The following LIMCH1 variants were observed in gnomAD, a reference collection of about 807,000 sequenced individuals.
LIMCH1 encodes the protein LIM and calponin homology domains-containing protein 1.
Under a neutral mutation model 176.5 loss-of-function variants are expected in LIMCH1, and 113 were observed. The ratio of observed to expected loss-of-function variants is 0.64; its 90% CI spans 0.55 to 0.75. The LOEUF (loss-of-function observed/expected upper bound fraction) is 0.75. Ranked by LOEUF, LIMCH1 falls within the 30% of genes least tolerant of loss-of-function variation. The pLI, the probability that LIMCH1 is intolerant of heterozygous loss-of-function variation, is 0.00. For missense variants in LIMCH1, 1,674 were observed against 1,814.9 expected, an observed-to-expected ratio of 0.92 and a Z score of 1.41; for synonymous variants, 619 against 645.9, an observed-to-expected ratio of 0.96 and a Z score of 0.63.
At chr4:41,401,415 T>G (rs1173280421) in intron 1 of LIMCH1, among the ~76,000 whole-genome samples, 1 of 152,228 alleles carries the variant, frequency 6.6e-6, no homozygotes, top group African/African-American at 2.4e-5. Context: ...ACCAGTACCA[T>G]GCTGTTTTGG....
At chr4:41,572,666 G>A (rs533897715) in intron 1 of LIMCH1, among the ~76,000 whole-genome samples, 69 of 152,316 alleles carry the variant, frequency 4.5e-4, no homozygotes, top group African/African-American at 1.6e-3. Context: ...TGCAAGGTCA[G>A]GCTGAAATGA....
At chr4:41,385,966 C>T (rs1270881696) in intron 1 of LIMCH1, 1 of 152,204 alleles carries the variant, frequency 6.6e-6, no homozygotes, top group Non-Finnish European at 1.5e-5. Context: ...GGTGTCATCA[C>T]ACCACTTTTG....
chr4:41,606,180 C>A (rs1004536471), intron 4 of LIMCH1, among the ~76,000 whole-genome samples, 176 bp downstream of exon 4: 5 of 152,208 alleles, frequency 3.3e-5, no homozygotes, highest in African/African-American at 1.2e-4. Flanking sequence ...ATGCATGTCA[C>A]ACCTACCTGC....
intron 2 of LIMCH1, among the ~76,000 whole-genome samples, chr4:41,497,821 T>G (rs1300558863): frequency 8.3e-6 from 1 of 121,112 alleles, no homozygotes. Context: ...AAAAAAAAAT[T>G]AAGTTTAGGA....
intron 1 of LIMCH1, among the ~76,000 whole-genome samples, chr4:41,411,170 T>C (rs2059445510): frequency 6.6e-6 from 1 of 152,258 alleles, no homozygotes; most frequent in Non-Finnish European, 1.5e-5. Context: ...AGGCTAGGAT[T>C]TGAATCCAGG....
intron 1 of LIMCH1, among the ~76,000 whole-genome samples, chr4:41,490,222 T>C (rs2070514512): frequency 6.6e-6 from 1 of 151,898 alleles, no homozygotes; most frequent in Admixed American, 6.6e-5. Flanking sequence ...ACCTGTGTTG[T>C]TGGAGAGTCA....
At chr4:41,371,436 C>T (rs1229903349) in intron 1 of LIMCH1, among the ~76,000 whole-genome samples, 1 of 152,178 alleles carries the variant, frequency 6.6e-6, no homozygotes, top group Non-Finnish European at 1.5e-5. Flanking sequence ...CCTTTCACTT[C>T]ACGTCTATTT....
intron 1 of LIMCH1, among the ~76,000 whole-genome samples, chr4:41,370,862 C>T (rs1336574959): frequency 6.6e-6 from 1 of 152,134 alleles, no homozygotes; most frequent in African/African-American, 2.4e-5. Context: ...ATATAAGATA[C>T]TTCTCAAGCA....
At chr4:41,620,220 G>C in intron 6 of LIMCH1, 1 of 553,080 alleles carries the variant, frequency 1.8e-6, no homozygotes, top group East Asian at 3.0e-5. Flanking sequence ...TCAAGTCTGG[G>C]ATAACTCTCA....
At chr4:41,655,036 G>T (rs1003154450) in intron 18 of LIMCH1, among the ~76,000 whole-genome samples, 2 of 151,990 alleles carry the variant, frequency 1.3e-5, no homozygotes, top group Non-Finnish European at 2.9e-5. Flanking sequence ...CTAATCTGAG[G>T]GCTAATATAT....
In LIMCH1 at chr4:41,699,831, A is replaced by G. The variant is rs1344695872; in HGVS notation, c.*2646A>G. 1 of 152,196 alleles carries G rather than the reference A, an allele frequency of 6.6e-6. No homozygotes were observed. The highest frequency in any genetic ancestry group is 1.9e-4 in the East Asian group (1 of 5,198). 9.4% of individuals were successfully genotyped at this position (152,196 alleles called of 1,614,324 possible). A position where few individuals can be genotyped will look rare whatever the true frequency, so the allele number is the denominator to read the frequency against. On this transcript the variant is annotated 3_prime_UTR_variant, in exon 32 of 32. Coordinates refer to ENST00000503057, the MANE Select transcript of LIMCH1 (RefSeq NM_001330672.2). Reference sequence around the variant, plus strand: ...TTATCTATACACAGTGTAAGATTTAACAAACTGAAATGATCCACCTCATAT... The same window carrying G: ...TTATCTATACACAGTGTAAGATTTAGCAAACTGAAATGATCCACCTCATAT...
chr4:41,627,165 T>G (rs566780853), intron 8 of LIMCH1, among the ~76,000 whole-genome samples, 155 bp downstream of exon 8: 14 of 152,066 alleles, frequency 9.2e-5, no homozygotes, highest in Admixed American at 9.2e-4. Flanking sequence ...GTAATGGGGG[T>G]TTATTTTGAA....
rs866199091 is a variant in LIMCH1 at position 41,419,612 on chromosome 4, T to G, written c.96+58676T>G. Among the ~76,000 whole-genome samples the G allele has an allele frequency of 7.0e-3, 567 of 80,964 alleles. 11 individuals carry two copies. Among genetic ancestry groups the G allele is most frequent in the African/African-American group, 0.022 (218 of 9,864 alleles). 53.1% of individuals were successfully genotyped at this position (80,964 alleles called of 152,430 possible). On this transcript the variant is annotated intron_variant, in intron 1 of 26. Transcript: ENST00000313860. ...CTTCCTTCCTTCCTTCCGTCCTTCC[T>G]TCCTTCCTTCCTTCCTTCCTTCCTC...
At chr4:41,671,875 A>AGATCGGAAGAG in intron 22 of LIMCH1, among the ~76,000 whole-genome samples, 1 of 131,290 alleles carries the variant, frequency 7.6e-6, no homozygotes, top group Admixed American at 8.3e-5. Flanking sequence ...ACAGAGCGAG[A>AGATCGGAAGAG]CTTCGTCTCA....
chr4:41,531,621 C>T (rs921470475), intron 3 of LIMCH1, among the ~76,000 whole-genome samples: 1 of 152,034 alleles, frequency 6.6e-6, no homozygotes, highest in African/African-American at 2.4e-5. Context: ...GCTTCTTACC[C>T]TTTTGTCTGC....
At chr4:41,412,503 G>A (rs1329768420) in intron 1 of LIMCH1, among the ~76,000 whole-genome samples, 1 of 151,954 alleles carries the variant, frequency 6.6e-6, no homozygotes, top group African/African-American at 2.4e-5. Flanking sequence ...AGGTAAAATG[G>A]GAAACTAAAA....
intron 2 of LIMCH1, among the ~76,000 whole-genome samples, chr4:41,515,311 A>G (rs1430157725): frequency 6.6e-6 from 1 of 152,088 alleles, no homozygotes; most frequent in African/African-American, 2.4e-5. Flanking sequence ...CAGCTTTTCT[A>G]TTGCCTTCCG....
At chr4:41,404,033 A>G (rs2058719538) in intron 1 of LIMCH1, among the ~76,000 whole-genome samples, 1 of 152,232 alleles carries the variant, frequency 6.6e-6, no homozygotes, top group Non-Finnish European at 1.5e-5. Flanking sequence ...AGTGGGTTTT[A>G]TATGCATAAT....
intron 1 of LIMCH1, among the ~76,000 whole-genome samples, chr4:41,542,496 T>C (rs1181812287): frequency 6.6e-6 from 1 of 152,152 alleles, no homozygotes; most frequent in African/African-American, 2.4e-5. Flanking sequence ...ACCTTCCTTA[T>C]AGGAAGAAGA....
Sources: gnomAD v4.1 joint callset for allele counts (sites outside exome capture counted in the v4.1 genomes callset) on GRCh38, gnomAD v4.1.1 for gene constraint, MANE v1.5 for transcripts, NCBI Gene and HGNC (gene_info 2026-07-23, HGNC 2026-07-21) for gene names.